The following VANGL2 variants were observed in gnomAD, a reference collection of about 807,000 sequenced individuals.
The protein encoded by VANGL2 is vang-like protein 2.
In VANGL2, 14 loss-of-function variants were observed where a neutral mutation model predicts 50.2. The ratio of observed to expected loss-of-function variants is 0.28; its 90% CI spans 0.18 to 0.44. VANGL2 has a LOEUF of 0.44. VANGL2 is among the 20% of genes least tolerant of loss of function. The pLI, the probability that VANGL2 is intolerant of heterozygous loss-of-function variation, is 1.00. For synonymous variants in VANGL2, 295 were observed against 297.2 expected, an observed-to-expected ratio of 0.99 and a Z score of 0.08; for missense variants, 533 against 701.5, an observed-to-expected ratio of 0.76 and a Z score of 2.71.
At position 160,408,820 on chromosome 1, in the gene VANGL2, G is replaced by A. The variant is rs12040206; in HGVS notation, c.-190-6828G>A. ...AAGGACAGCCTTTTTCAGGGTTTAG[G>A]AATGAGGGTCAGGGCAAAATCTTCA... On this transcript the variant is annotated intron_variant, in intron 1 of 7. Coordinates refer to ENST00000368061, the MANE Select transcript of VANGL2 (RefSeq NM_020335.3). Among the ~76,000 whole-genome samples, 274 of 152,296 alleles carry A rather than the reference G, an allele frequency of 1.8e-3. 2 individuals are homozygous for A. In the East Asian group the frequency reaches 0.024, roughly 13 times the overall value.
chr1:160,421,524 C>T (rs1651274705), intron 6 of VANGL2, among the ~76,000 whole-genome samples: 1 of 152,160 alleles, frequency 6.6e-6, no homozygotes, highest in African/African-American at 2.4e-5. Flanking sequence ...TGTCACATAG[C>T]CCCATAGGCA....
chr1:160,424,328 C>G, intron 7 of VANGL2, 45 bp downstream of exon 7: 1 of 1,570,292 alleles, frequency 6.4e-7, no homozygotes, highest in Non-Finnish European at 8.7e-7. Context: ...TCCCCAGCTC[C>G]TCTTCTTTCC....
chr1:160,410,709 C>T (rs947518550), intron 1 of VANGL2, among the ~76,000 whole-genome samples: 2 of 152,084 alleles, frequency 1.3e-5, no homozygotes, highest in African/African-American at 4.8e-5. Flanking sequence ...CGCACGCACG[C>T]ACGCACTACT....
chr1:160,421,806 G>C (rs1283500992), intron 6 of VANGL2, among the ~76,000 whole-genome samples: 1 of 152,224 alleles, frequency 6.6e-6, no homozygotes, highest in East Asian at 1.9e-4. Context: ...ATAAAGGGAT[G>C]TGAGCTTTAC....
rs1228019947 is a variant in VANGL2 at position 160,425,559 on chromosome 1, C to G, written c.*181C>G. 3.1e-6 allele frequency: 2 copies of G among 651,328 alleles called. No individual in the cohort carries two copies. Among genetic ancestry groups the G allele is most frequent in the South Asian group, 2.0e-5 (1 of 48,882 alleles). The allele number at this position is 651,328 out of a possible 1,614,324, so 40.3% of individuals were successfully genotyped here. On this transcript the variant is annotated 3_prime_UTR_variant, in exon 8 of 8. Coordinates refer to ENST00000368061, the MANE Select transcript of VANGL2 (RefSeq NM_020335.3). The stretch of plus-strand genomic sequence containing the variant: ...CTTCCTTATTTTACCCCATGTGAAC[C>G]TGGAGAGACCATCCTGCTGTCAACA...
At chr1:160,407,743 AC>A (rs1178561073) in intron 1 of VANGL2, among the ~76,000 whole-genome samples, 1 of 151,832 alleles carries the variant, frequency 6.6e-6, no homozygotes, top group Non-Finnish European at 1.5e-5. Context: ...CCCATTGTCC[AC>A]CCTCTCCCTG....
At chr1:160,417,023 G>A (rs1412095010) in intron 3 of VANGL2, among the ~76,000 whole-genome samples, 1 of 152,092 alleles carries the variant, frequency 6.6e-6, no homozygotes, top group Non-Finnish European at 1.5e-5. Flanking sequence ...TTCTTCCTGG[G>A]GCCTGGCCTC....
At chr1:160,401,214 G>A (rs1021823804) in intron 1 of VANGL2, among the ~76,000 whole-genome samples, 1 of 152,184 alleles carries the variant, frequency 6.6e-6, no homozygotes, top group Non-Finnish European at 1.5e-5. Context: ...GAGACGGGGA[G>A]CTTGTGTTGG....
In VANGL2 at chr1:160,425,689, TAC is replaced by T; in HGVS notation, c.*313_*314del. On this transcript the variant is annotated 3_prime_UTR_variant, in exon 8 of 8. Transcript: ENST00000368061. ...TTCTTTCCCTAGTCTTTTCCCAGAT[TAC>T]AGTCTCTCCTGAAAGGGCACAGGGC... The T allele has an allele frequency of 3.3e-6, 1 of 307,362 alleles. No individual in the cohort carries two copies. The highest frequency in any genetic ancestry group is 5.9e-5 in the East Asian group (1 of 17,014). 19.0% of individuals were successfully genotyped at this position (307,362 alleles called of 1,614,324 possible).
chr1:160,404,633 A>G (rs1650591005), intron 1 of VANGL2, among the ~76,000 whole-genome samples: 1 of 152,160 alleles, frequency 6.6e-6, no homozygotes, highest in Non-Finnish European at 1.5e-5. Context: ...CCTATTCTGG[A>G]TATTTCATAC....
chr1:160,423,967 C>G (rs1012940568), intron 6 of VANGL2, 85 bp from the exon 7 acceptor site: 1 of 1,477,160 alleles, frequency 6.8e-7, no homozygotes, highest in Non-Finnish European at 9.4e-7. Flanking sequence ...CTCATTCAGG[C>G]TGCTGGAGTG....
At chr1:160,423,823 G>A (rs541466239) in intron 6 of VANGL2, among the ~76,000 whole-genome samples, 1 of 152,352 alleles carries the variant, frequency 6.6e-6, no homozygotes, top group South Asian at 2.1e-4. Context: ...GTCTCTCTGG[G>A]TTTGACACTA....
At chr1:160,410,420 GCT>G (rs1209779727) in intron 1 of VANGL2, among the ~76,000 whole-genome samples, 1 of 151,990 alleles carries the variant, frequency 6.6e-6, no homozygotes. Flanking sequence ...CTGCATCTAT[GCT>G]CTGTCTCATT....
At chr1:160,423,599 T>G (rs1651342567) in intron 6 of VANGL2, among the ~76,000 whole-genome samples, 1 of 152,232 alleles carries the variant, frequency 6.6e-6, no homozygotes, top group Non-Finnish European at 1.5e-5. Flanking sequence ...TCTGAATCCC[T>G]TGTTGGTTTT....
At chr1:160,406,276 G>C (rs1650656474) in intron 1 of VANGL2, among the ~76,000 whole-genome samples, 1 of 152,190 alleles carries the variant, frequency 6.6e-6, no homozygotes, top group African/African-American at 2.4e-5. Flanking sequence ...AGTTCGGTCT[G>C]ATTGCTCATT....
At chr1:160,414,780 T>C (rs905138425) in intron 1 of VANGL2, among the ~76,000 whole-genome samples, 1 of 144,160 alleles carries the variant, frequency 6.9e-6, no homozygotes, top group Non-Finnish European at 1.5e-5. Context: ...GAAGATAACA[T>C]TGGGTCTAGA....
chr1:160,410,703 C>T (rs1431152761), intron 1 of VANGL2, among the ~76,000 whole-genome samples: 1 of 151,942 alleles, frequency 6.6e-6, no homozygotes, highest in Non-Finnish European at 1.5e-5. Context: ...CACACACGCA[C>T]GCACGCACGC....
Position 160,425,377 on chromosome 1 carries a change from G to T in VANGL2, c.1565G>T (p.Ter522LeuextTer43). 1 of 1,401,352 alleles carries T rather than the reference G, an allele frequency of 7.1e-7. No homozygotes were observed. The highest frequency in any genetic ancestry group is 1.1e-5 in the South Asian group (1 of 87,436). The allele number at this position is 1,401,352 out of a possible 1,614,324, so 86.8% of individuals were successfully genotyped here. Residue 522 changes from the stop codon to leucine (L), a stop_lost, in exon 8 of 8, where the codon TGA becomes TTA. Coordinates refer to ENST00000368061, the MANE Select transcript of VANGL2 (RefSeq NM_020335.3). ...VMRLQSETSV[*>L] ...AGGCTGCAGTCTGAGACCTCAGTGT[G>T]ACTGTGCAACAGCAGGGGGAGTGGG...
chr1:160,408,904 C>T (rs771279165), intron 1 of VANGL2, among the ~76,000 whole-genome samples: 8 of 152,208 alleles, frequency 5.3e-5, no homozygotes, highest in Non-Finnish European at 1.0e-4. Flanking sequence ...TTAGTCTTTT[C>T]GGTGATAGCA....
Sources: allele counts gnomAD v4.1 joint callset (sites outside exome capture counted in the v4.1 genomes callset), GRCh38; gene constraint gnomAD v4.1.1; transcripts MANE v1.5; gene names NCBI Gene and HGNC (gene_info 2026-07-23, HGNC 2026-07-21).